NTRK2: variants seen among roughly 807,000 people sequenced by gnomAD.
NTRK2 encodes BDNF/NT-3 growth factors receptor.
In NTRK2, 13 loss-of-function variants were observed where a neutral mutation model predicts 94.5. That is an observed-to-expected ratio of 0.14 (90% confidence interval 0.09 to 0.22). The LOEUF is 0.22. NTRK2 is among the 10% of genes least tolerant of loss of function. The pLI is 1.00. For synonymous variants in NTRK2, 372 were observed against 407.4 expected, an observed-to-expected ratio of 0.91 and a Z score of 1.05; for missense variants, 639 against 1,071.2, an observed-to-expected ratio of 0.60 and a Z score of 5.63.
At chr9:84,874,139 A>T in intron 14 of NTRK2, 1 of 1,064,832 alleles carries the variant, frequency 9.4e-7, no homozygotes, top group Non-Finnish European at 1.1e-6. Flanking sequence ...CTACGCCCCC[A>T]TTTTGGTTTC....
chr9:84,683,020 G>C (rs2059489614), intron 2 of NTRK2, among the ~76,000 whole-genome samples: 1 of 152,044 alleles, frequency 6.6e-6, no homozygotes, highest in South Asian at 2.1e-4. Flanking sequence ...CTCTTATAAA[G>C]GGCATTAATC....
At position 85,023,848 on chromosome 9, in the gene NTRK2, A is replaced by G. The variant is rs1832907410; in HGVS notation, c.*2411A>G. On this transcript the variant is annotated 3_prime_UTR_variant, in exon 19 of 19. Transcript: ENST00000277120. Reference sequence around the variant, plus strand: ...GCCAGCTAATCTCGGGGGAAAAGCTACAAGTTATTTATTTTATTTTAAGAG... The same window carrying G: ...GCCAGCTAATCTCGGGGGAAAAGCTGCAAGTTATTTATTTTATTTTAAGAG... The G allele has an allele frequency of 8.7e-6, 2 of 229,424 alleles. No homozygotes were observed. The highest frequency in any genetic ancestry group is 4.4e-5 in the African/African-American group (2 of 45,260). 14.2% of individuals were successfully genotyped at this position (229,424 alleles called of 1,614,324 possible).
intron 17 of NTRK2, among the ~76,000 whole-genome samples, chr9:84,989,861 T>G (rs1828827853): frequency 6.6e-6 from 1 of 152,238 alleles, no homozygotes; most frequent in Non-Finnish European, 1.5e-5. Context: ...GAAGGCAAAT[T>G]TATTTAATCT....
rs144028767 is a variant in NTRK2, at chr9:84,723,595, C to T, written c.606C>T (p.Ala202=). 3.0e-5 allele frequency: 48 copies of T among 1,613,904 alleles called. No homozygotes were observed. Among genetic ancestry groups the T allele is most frequent in the South Asian group, 5.5e-5 (5 of 91,076 alleles). Residue 202 remains alanine (A), a synonymous_variant, in exon 7 of 19, where the codon GCC becomes GCT. Transcript: ENST00000277120. ...TAGGTTTGCCATCTGCAAATCTGGC[C>T]GCACCTAACCTCACTGTGGAGGAAG... is the stretch of plus-strand genomic sequence containing the variant. ...PNCGLPSANL[A]APNLTVEEGK... is the part of the protein sequence containing the mutation.
chr9:85,012,973 C>T (rs1373910827), intron 17 of NTRK2, among the ~76,000 whole-genome samples: 2 of 152,148 alleles, frequency 1.3e-5, no homozygotes, highest in Non-Finnish European at 1.5e-5. Context: ...TAAGTCATTA[C>T]CTTATGTTTG....
Position 84,709,606 on chromosome 9 carries a change from C to A in NTRK2, c.429-1031C>A, listed in dbSNP as rs143032350. Among the ~76,000 whole-genome samples, 369 of 152,208 alleles carry A rather than the reference C, an allele frequency of 2.4e-3. 1 individual carries two copies. Among genetic ancestry groups the A allele is most frequent in the African/African-American group, 8.7e-3 (362 of 41,518 alleles). ...AGATTCTTAGAACCCAACCAGAAAA[C>A]CACAGGAGTAAATGATGTTGCAAAG... On this transcript the variant is annotated intron_variant, in intron 5 of 18. Coordinates refer to ENST00000277120, the MANE Select transcript of NTRK2 (RefSeq NM_006180.6).
chr9:84,804,925 G>T (rs1008247797), intron 12 of NTRK2, among the ~76,000 whole-genome samples: 1 of 152,200 alleles, frequency 6.6e-6, no homozygotes, highest in Non-Finnish European at 1.5e-5. Flanking sequence ...TAGTAGTAAA[G>T]CCTTTTGAGC....
chr9:85,003,967 G>A (rs1830599982), intron 17 of NTRK2, among the ~76,000 whole-genome samples: 2 of 133,146 alleles, frequency 1.5e-5, no homozygotes, highest in South Asian at 2.5e-4. Context: ...GGTGATGGTT[G>A]TGCTATTTAA....
intron 12 of NTRK2, among the ~76,000 whole-genome samples, chr9:84,855,512 G>A (rs146854681): frequency 3.3e-5 from 5 of 151,882 alleles, no homozygotes; most frequent in African/African-American, 7.2e-5. Flanking sequence ...AATGTGCACC[G>A]ACACACAATT....
chr9:85,000,184 T>C (rs1830181240), intron 17 of NTRK2, among the ~76,000 whole-genome samples: 1 of 152,130 alleles, frequency 6.6e-6, no homozygotes, highest in Non-Finnish European at 1.5e-5. Context: ...CCTCCCCCAC[T>C]GTTAACATCC....
intron 6 of NTRK2, 131 bp downstream of exon 6, chr9:84,710,922 C>T (rs2061383134): frequency 2.3e-6 from 2 of 853,582 alleles, no homozygotes; most frequent in Admixed American, 2.0e-5. Context: ...GTGACTCAGA[C>T]AACATTTATG....
chr9:84,817,991 A>G (rs544914360), intron 12 of NTRK2, among the ~76,000 whole-genome samples: 15 of 152,314 alleles, frequency 9.8e-5, no homozygotes, highest in African/African-American at 3.1e-4. Flanking sequence ...CAATTTTACT[A>G]TTGCTACCAC....
chr9:84,877,150 A>G (rs199871744), intron 14 of NTRK2: 89 of 1,064,690 alleles, frequency 8.4e-5, no homozygotes, highest in Non-Finnish European at 9.8e-5. Flanking sequence ...CTTCCTACAT[A>G]TTACATCCTG....
intron 17 of NTRK2, among the ~76,000 whole-genome samples, chr9:84,966,621 C>T (rs567094093): frequency 7.2e-5 from 11 of 152,128 alleles, no homozygotes; most frequent in African/African-American, 2.6e-4. Context: ...TTAGTAGAGA[C>T]GGGGTTTCAC....
In NTRK2 at chr9:84,724,233, A is replaced by G. The variant is rs200053780; in HGVS notation, c.730A>G (p.Ser244Gly). ...NLVSKHMNET[S>G]HTQGSLRITN... is the part of the protein sequence containing the mutation. ...GTTAATTCATTTGTAGAATGAAACA[A>G]GCCACACACAGGGCTCCTTAAGGAT... Residue 244 changes from serine to glycine, a missense_variant, in exon 8 of 19, where the codon AGC becomes GGC. Physicochemically the swap from Ser to Gly is moderately conservative, Grantham distance 56. This residue lies in a region of NTRK2 where 343 missense variants were observed against 571.5 expected (regional missense o/e 0.60). Coordinates refer to ENST00000277120, the MANE Select transcript of NTRK2 (RefSeq NM_006180.6). 1 of 1,614,178 alleles carries G rather than the reference A, an allele frequency of 6.2e-7. No individual in the cohort carries two copies. Among genetic ancestry groups the G allele is most frequent in the Non-Finnish European group, 8.5e-7 (1 of 1,179,992 alleles).
chr9:84,954,718 G>T (rs1823892232), intron 16 of NTRK2, among the ~76,000 whole-genome samples: 2 of 152,192 alleles, frequency 1.3e-5, no homozygotes, highest in South Asian at 4.1e-4. Flanking sequence ...CCACAGATCA[G>T]GTGGACTATG....
Position 85,021,681 on chromosome 9 carries a change from C to CT in NTRK2, c.*251dup. 3.7e-6 allele frequency: 2 copies of CT among 539,414 alleles called. No homozygotes were observed. The highest frequency in any genetic ancestry group is 6.5e-6 in the Non-Finnish European group (2 of 306,258). 33.4% of individuals were successfully genotyped at this position (539,414 alleles called of 1,614,324 possible). On this transcript the variant is annotated 3_prime_UTR_variant, in exon 19 of 19. Transcript: ENST00000277120. Reference sequence around the variant, plus strand: ...CCATCTCCCTTGGTTGTTCCTTTTTCTTTTTTTAAATTTTCTTTTTCTTTT... The same window carrying CT: ...CCATCTCCCTTGGTTGTTCCTTTTTCTTTTTTTTAAATTTTCTTTTTCTTTT...
intron 17 of NTRK2, among the ~76,000 whole-genome samples, chr9:84,986,848 G>T (rs1235791650): frequency 1.3e-5 from 2 of 152,184 alleles, no homozygotes; most frequent in Non-Finnish European, 2.9e-5. Context: ...GTCCAGAAAG[G>T]TAATTATAAT....
At chr9:84,788,396 A>G (rs1392098934) in intron 12 of NTRK2, among the ~76,000 whole-genome samples, 1 of 152,234 alleles carries the variant, frequency 6.6e-6, no homozygotes, top group African/African-American at 2.4e-5. Flanking sequence ...GGAGAAGGTC[A>G]TCTTTGAGAA....
Sources: gnomAD v4.1 joint callset for allele counts (sites outside exome capture counted in the v4.1 genomes callset) on GRCh38, gnomAD v4.1.1 for gene constraint, gnomAD v4.1.1 regional missense constraint, MANE v1.5 for transcripts, NCBI Gene and HGNC (gene_info 2026-07-23, HGNC 2026-07-21) for gene names.